Variants in CYP11A1 observed in about 807,000 individuals in gnomAD.
CYP11A1 encodes cholesterol side-chain cleavage enzyme, mitochondrial.
CYP11A1 carries 25 observed loss-of-function variants against 51.9 expected under a neutral mutation model. The observed-to-expected ratio is 0.48, with a 90% CI of 0.35 to 0.67. The LOEUF (loss-of-function observed/expected upper bound fraction) is 0.67, where lower values mean the gene tolerates loss of function less well. Among genes scored for constraint, CYP11A1 ranks in the 30% least tolerant of loss-of-function variants. The pLI, the probability that CYP11A1 is intolerant of heterozygous loss-of-function variation, is 0.00. For missense variants in CYP11A1, 578 were observed against 680.9 expected (o/e 0.85, Z 1.68); for synonymous variants, 245 against 262.1 (o/e 0.93, Z 0.63).
chr15:74,342,945 G>A (rs775994837), intron 5 of CYP11A1, 32 bp downstream of exon 5: 4 of 1,610,964 alleles, frequency 2.5e-6, no homozygotes, highest in Non-Finnish European at 3.4e-6. Context: ...GGCACAGGGG[G>A]CAACAAGGTG....
At chr15:74,366,115 G>A in intron 1 of CYP11A1, 1 of 985,594 alleles carries the variant, frequency 1.0e-6, no homozygotes, top group South Asian at 4.7e-5. Context: ...GAAGAGCGCA[G>A]GAGCAGGCCG....
At chr15:74,365,770 C>T (rs542708300) in intron 1 of CYP11A1, 219 of 985,430 alleles carry the variant, frequency 2.2e-4, no homozygotes, top group Non-Finnish European at 2.6e-4. Flanking sequence ...GTGAACGCAG[C>T]GAGCGAGGGC....
chr15:74,352,715 C>T (rs2060661778), intron 1 of CYP11A1, among the ~76,000 whole-genome samples: 1 of 152,220 alleles, frequency 6.6e-6, no homozygotes, highest in Non-Finnish European at 1.5e-5. Flanking sequence ...ACATCTGTCT[C>T]CCACCTGTGA....
chr15:74,338,062 A>G lies in CYP11A1; in HGVS notation c.1476T>C (p.Asp492=). The change falls in exon 9 of 9, where the codon GAT becomes GAC. Residue 492 remains aspartate, a synonymous_variant. Transcript: ENST00000268053. ...GAATGAGGTTGAATGTGGTGCCCAC[A>G]TCGCTGAGGTGTTGGATTTCAACTC... ...NFRVEIQHLS[D]VGTTFNLILM... 2 of 1,614,190 alleles carry G rather than the reference A, an allele frequency of 1.2e-6. No individual in the cohort carries two copies. The highest frequency in any genetic ancestry group is 1.7e-6 in the Non-Finnish European group (2 of 1,180,016).
rs368718227 is a variant in CYP11A1 at position 74,358,139 on chromosome 15, A to G, written c.269+9178T>C. The stretch of plus-strand genomic sequence containing the variant: ...CTTCTCAAGGCCGCTTTACTTCCAA[A>G]GGAAGCTGGAGTCATTCACTGCAAG... On this transcript the variant is annotated intron_variant, in intron 1 of 8. Coordinates refer to ENST00000268053, the MANE Select transcript of CYP11A1 (RefSeq NM_000781.3). 1.1e-4 allele frequency among the ~76,000 whole-genome samples: 17 copies of G among 152,328 alleles called. No individual in the cohort carries two copies. In the East Asian group the frequency reaches 3.3e-3, roughly 29 times the overall value.
Position 74,347,846 on chromosome 15 carries a change from T to A in CYP11A1, c.425+54A>T. 4 of 1,601,634 alleles carry A rather than the reference T, an allele frequency of 2.5e-6. No individual in the cohort carries two copies. In the South Asian group the frequency reaches 4.4e-5, roughly 18 times the overall value. ...CCCCTCACCCCCAGCCTCTGCCCTCTCCACAGCTCCCCACCACCTCCCTCC... is the reference window on the plus strand; with the variant it reads ...CCCCTCACCCCCAGCCTCTGCCCTCACCACAGCTCCCCACCACCTCCCTCC... On this transcript the variant is annotated intron_variant, in intron 2 of 8. Transcript: ENST00000268053.
rs1483533619 is a variant in CYP11A1 at position 74,339,550 on chromosome 15, T to C, written c.1157+37A>G. ...GCACTTCCCTGGCCCTGCCCAGGGATTGGAGTTGGGGGCGGCATGGGTGGT... is the reference window on the plus strand; with the variant it reads ...GCACTTCCCTGGCCCTGCCCAGGGACTGGAGTTGGGGGCGGCATGGGTGGT... On this transcript the variant is annotated intron_variant, in intron 6 of 8. Transcript: ENST00000268053. 2.5e-6 allele frequency: 4 copies of C among 1,605,556 alleles called. No individual in the cohort carries two copies. The African/African-American group carries it at 4.0e-5, about 16-fold the overall frequency.
intron 1 of CYP11A1, chr15:74,361,883 G>A (rs1437980354): frequency 1.4e-5 from 16 of 1,122,862 alleles, no homozygotes; most frequent in Non-Finnish European, 2.2e-5. Context: ...ACGGTTCCCA[G>A]TTTTTCATCT....
rs894514155 is a variant in CYP11A1, at chr15:74,365,622, G to C, written c.269+1695C>G. 1.7e-5 allele frequency: 16 copies of C among 955,312 alleles called. No homozygotes were observed. The African/African-American group carries it at 1.8e-4, about 11-fold the overall frequency. The allele number at this position is 955,312 out of a possible 1,614,324, so 59.2% of individuals were successfully genotyped here. On this transcript the variant is annotated intron_variant, in intron 1 of 8. Coordinates refer to ENST00000268053, the MANE Select transcript of CYP11A1 (RefSeq NM_000781.3). Reference sequence around the variant, plus strand: ...GGGAAGGTTGAGGCCTCAGGCCTGGGAACTAGGAATACTTTCCCTTTTACC... The same window carrying C: ...GGGAAGGTTGAGGCCTCAGGCCTGGCAACTAGGAATACTTTCCCTTTTACC...
rs181789750 is a variant in CYP11A1 at position 74,365,224 on chromosome 15, T to C, written c.269+2093A>G. On this transcript the variant is annotated intron_variant, in intron 1 of 8. Coordinates refer to ENST00000268053, the MANE Select transcript of CYP11A1 (RefSeq NM_000781.3). Reference sequence around the variant, plus strand: ...GGACTCTTAGCAAAGAACCCAGGTGTGGCTGAAAGGCTGCCCACCGTGGGA... The same window carrying C: ...GGACTCTTAGCAAAGAACCCAGGTGCGGCTGAAAGGCTGCCCACCGTGGGA... Among the ~76,000 whole-genome samples the C allele has an allele frequency of 3.3e-3, 485 of 147,782 alleles. 1 individual carries two copies. Among genetic ancestry groups the C allele is most frequent in the Middle Eastern group, 0.01 (3 of 286 alleles).
At chr15:74,361,556 T>C (rs1324262734) in intron 1 of CYP11A1, 5 of 786,958 alleles carry the variant, frequency 6.4e-6, no homozygotes, top group Admixed American at 1.8e-5. Flanking sequence ...TCAGCCATGG[T>C]CAACCCCACC....
chr15:74,343,843 T>C lies in CYP11A1; in HGVS notation c.775A>G (p.Arg259Gly). 1 of 1,613,712 alleles carries C rather than the reference T, an allele frequency of 6.2e-7. No homozygotes were observed. The highest frequency in any genetic ancestry group is 1.8e-4 in the Middle Eastern group (1 of 5,654). ...NLPPDLFRLF[R>G]TKTWKDHVAA... The stretch of plus-strand genomic sequence containing the variant: ...ACATGGTCCTTCCAGGTCTTGGTCC[T>C]GAACAGACGGAACAGGTCTGGGGGA... Residue 259 changes from arginine (R) to glycine (G), a missense_variant, in exon 4 of 9, where the codon AGG becomes GGG. By Grantham distance (125) the Arg-to-Gly change is moderately radical. Transcript: ENST00000268053.
At position 74,338,317 on chromosome 15, in the gene CYP11A1, A is replaced by C. The variant is rs1342698410; in HGVS notation, c.1435-214T>G. ...AGGCCTAGACCTTAACTTGTCTACAAACCTCAGTCCTATCCCATCCCATCA... is the reference window on the plus strand; with the variant it reads ...AGGCCTAGACCTTAACTTGTCTACACACCTCAGTCCTATCCCATCCCATCA... On this transcript the variant is annotated intron_variant, in intron 8 of 8. Coordinates refer to ENST00000268053, the MANE Select transcript of CYP11A1 (RefSeq NM_000781.3). 4.2e-6 allele frequency: 3 copies of C among 709,772 alleles called. No homozygotes were observed. The African/African-American group carries it at 5.3e-5, about 12-fold the overall frequency. The allele number at this position is 709,772 out of a possible 1,614,324, so 44.0% of individuals were successfully genotyped here. A position where few individuals can be genotyped will look rare whatever the true frequency, so the allele number is the denominator to read the frequency against.
At position 74,339,242 on chromosome 15, in the gene CYP11A1, C is replaced by T. The variant is rs1448075161; in HGVS notation, c.1231G>A (p.Ala411Thr). ...DLVLRDYMIP[A>T]KTLVQVAIYA... ...AGCCTGCTGGCTGCACCTACCTTGG[C>T]AGGAATCATGTAATCTCGAAGAACC... Residue 411 changes from alanine (A) to threonine (T), a missense_variant, in exon 7 of 9, where the codon GCC becomes ACC. By Grantham distance (58) the Ala-to-Thr change is moderately conservative. Transcript: ENST00000268053. 1 of 1,613,616 alleles carries T rather than the reference C, an allele frequency of 6.2e-7. No homozygotes were observed. The highest frequency in any genetic ancestry group is 1.7e-5 in the Admixed American group (1 of 60,026).
intron 5 of CYP11A1, among the ~76,000 whole-genome samples, chr15:74,341,112 C>T (rs367767996): frequency 7.2e-5 from 11 of 152,292 alleles, no homozygotes; most frequent in African/African-American, 2.6e-4. Flanking sequence ...TATTTAACCT[C>T]TCTGTGCTCT....
intron 1 of CYP11A1, chr15:74,348,270 T>C (rs1234001977): frequency 1.7e-6 from 1 of 588,360 alleles, no homozygotes; most frequent in Non-Finnish European, 3.0e-6. Context: ...ATAGGAAGTA[T>C]ATGGATGTGA....
chr15:74,365,488 A>G (rs1296217618), intron 1 of CYP11A1: 3 of 186,788 alleles, frequency 1.6e-5, no homozygotes, highest in Non-Finnish European at 3.0e-5. Context: ...CATGGGGACA[A>G]CAAACTTCGC....
intron 8 of CYP11A1, 89 bp downstream of exon 8, chr15:74,338,482 C>T (rs961597307): frequency 7.4e-7 from 1 of 1,360,096 alleles, no homozygotes. Flanking sequence ...CATCCTTGGG[C>T]TCTGGACAGA....
intron 6 of CYP11A1, 102 bp from the exon 7 acceptor site, chr15:74,339,417 TG>T (rs1025373899): frequency 5.1e-6 from 7 of 1,383,604 alleles, no homozygotes; most frequent in Non-Finnish European, 6.1e-6. Flanking sequence ...TGCAGCAGCC[TG>T]GGGGGACCTG....
Sources: gnomAD v4.1 joint callset for allele counts (sites outside exome capture counted in the v4.1 genomes callset) on GRCh38, gnomAD v4.1.1 for gene constraint, MANE v1.5 for transcripts, NCBI Gene and HGNC (gene_info 2026-07-23, HGNC 2026-07-21) for gene names.